The following PVT1 variants were observed in gnomAD, a reference collection of about 807,000 sequenced individuals.
PVT1 encodes Pvt1 oncogene.
intron 3 of PVT1, among the ~76,000 whole-genome samples, chr8:127,894,542 C>T (rs7017386): frequency 0.74 from 111,997 of 151,688 alleles, 42,097 homozygotes; most frequent in African/African-American, 0.88. Flanking sequence ...CCAGTGTTTT[C>T]CAAAGCGTGC....
chr8:127,870,760 T>C (rs1306290460), intron 2 of PVT1, among the ~76,000 whole-genome samples: 1 of 152,228 alleles, frequency 6.6e-6, no homozygotes, highest in African/African-American at 2.4e-5. Context: ...TTAACATTTC[T>C]GGGCCTCAGT....
At chr8:128,022,511 G>T (rs746019581) in intron 4 of PVT1, among the ~76,000 whole-genome samples, 1 of 152,212 alleles carries the variant, frequency 6.6e-6, no homozygotes, top group Non-Finnish European at 1.5e-5. Context: ...CGCTCACAAA[G>T]GCCTTGCACA....
chr8:128,011,605 C>T (rs935429835), intron 4 of PVT1, among the ~76,000 whole-genome samples: 18 of 152,138 alleles, frequency 1.2e-4, no homozygotes, highest in Non-Finnish European at 2.6e-4. Flanking sequence ...ATTATTTAAG[C>T]CACCCAGTCT....
chr8:127,921,710 A>C (rs936088691), intron 3 of PVT1, among the ~76,000 whole-genome samples: 5 of 151,920 alleles, frequency 3.3e-5, no homozygotes, highest in Non-Finnish European at 1.5e-5. Context: ...TCTACTTGGG[A>C]GGCTGTGCAT....
chr8:127,827,837 C>T (rs1814808016), intron 2 of PVT1, among the ~76,000 whole-genome samples: 1 of 152,104 alleles, frequency 6.6e-6, no homozygotes, highest in Non-Finnish European at 1.5e-5. Context: ...CTCCTCTGTC[C>T]TGAAAGCCTT....
chr8:128,019,669 G>A (rs184885550), intron 4 of PVT1, among the ~76,000 whole-genome samples: 1 of 152,238 alleles, frequency 6.6e-6, no homozygotes, highest in African/African-American at 2.4e-5. Flanking sequence ...ACGGTATCAC[G>A]GATGTCTTCC....
intron 6 of PVT1, among the ~76,000 whole-genome samples, chr8:128,097,818 G>A (rs1814447960): frequency 6.6e-6 from 1 of 152,182 alleles, no homozygotes; most frequent in African/African-American, 2.4e-5. Flanking sequence ...GCGTAGGGAT[G>A]AGCTTCAGAC....
chr8:128,057,507 G>C (rs1813776662), intron 4 of PVT1, among the ~76,000 whole-genome samples: 1 of 152,130 alleles, frequency 6.6e-6, no homozygotes, highest in Non-Finnish European at 1.5e-5. Flanking sequence ...AATTTCAAAT[G>C]TACAGATTGT....
intron 2 of PVT1, among the ~76,000 whole-genome samples, chr8:127,825,010 C>T (rs1457404293): frequency 2.0e-5 from 3 of 150,552 alleles, no homozygotes; most frequent in African/African-American, 7.3e-5. Flanking sequence ...ATCCCAGCTA[C>T]TCGGAAGGCT....
At chr8:127,798,874 A>G (rs1814430157) in intron 2 of PVT1, among the ~76,000 whole-genome samples, 1 of 152,080 alleles carries the variant, frequency 6.6e-6, no homozygotes, top group Admixed American at 6.6e-5. Flanking sequence ...ACTTTGTCTC[A>G]AAAAACAAAC....
intron 4 of PVT1, among the ~76,000 whole-genome samples, chr8:128,026,518 G>A (rs4443625): frequency 0.14 from 21,908 of 151,924 alleles, 3,548 homozygotes; most frequent in African/African-American, 0.41. Flanking sequence ...CAAGCCCCAC[G>A]TCGAGCAGTG....
At chr8:127,954,934 G>T (rs1170367978) in intron 3 of PVT1, among the ~76,000 whole-genome samples, 3 of 152,170 alleles carry the variant, frequency 2.0e-5, no homozygotes, top group East Asian at 1.9e-4. Flanking sequence ...CATTTAGGAT[G>T]AATTATGTTT....
intron 3 of PVT1, among the ~76,000 whole-genome samples, chr8:127,979,610 T>C (rs549496101): frequency 2.6e-5 from 4 of 152,298 alleles, no homozygotes; most frequent in African/African-American, 9.6e-5. Context: ...AGTGGAGCTG[T>C]AACAATGTCC....
Position 127,984,827 on chromosome 8 carries a change from C to CTTTCTTTTCT in PVT1, n.783-4327_783-4318dup, listed in dbSNP as rs879548318. Among the ~76,000 whole-genome samples the CTTTCTTTTCT allele has an allele frequency of 7.1e-5, 9 of 126,372 alleles. 1 individual carries two copies. The highest frequency in any genetic ancestry group is 2.1e-4 in the African/African-American group (8 of 37,970). 82.9% of individuals were successfully genotyped at this position (126,372 alleles called of 152,430 possible). On this transcript the variant is annotated intron_variant and non_coding_transcript_variant, in intron 3 of 10. Transcript: ENST00000651587. ...CTCGCCATGTTGGCCAGGCTGGTTT[C>CTTTCTTTTCT]TTTCTTTTCTTTTCTTTCTTTCTTT...
chr8:127,900,513 G>A (rs1815745907), intron 3 of PVT1, among the ~76,000 whole-genome samples: 1 of 152,154 alleles, frequency 6.6e-6, no homozygotes, highest in Non-Finnish European at 1.5e-5. Flanking sequence ...ATCACTGGTA[G>A]CACCATTTTG....
chr8:128,051,493 G>A (rs1813694760), intron 4 of PVT1, among the ~76,000 whole-genome samples: 1 of 152,066 alleles, frequency 6.6e-6, no homozygotes, highest in Non-Finnish European at 1.5e-5. Flanking sequence ...TCCAGATTTG[G>A]AGAGTTCTAT....
At chr8:127,952,995 C>A (rs7007212) in intron 3 of PVT1, among the ~76,000 whole-genome samples, 105,229 of 151,712 alleles carry the variant, frequency 0.69, 38,186 homozygotes, top group Middle Eastern at 0.84. Context: ...CGATCTCCTG[C>A]CCTCGTGATC....
intron 2 of PVT1, among the ~76,000 whole-genome samples, chr8:127,857,686 A>G (rs1290774900): frequency 6.6e-6 from 1 of 152,186 alleles, no homozygotes; most frequent in Admixed American, 6.5e-5. Context: ...TCAAAAAACA[A>G]AACAAAACAA....
intron 2 of PVT1, among the ~76,000 whole-genome samples, chr8:127,873,645 TA>T (rs1815375678): frequency 6.6e-6 from 1 of 152,096 alleles, no homozygotes; most frequent in African/African-American, 2.4e-5. Context: ...AGGTGAAACT[TA>T]GGAATGTTAA....
Sources: allele counts gnomAD v4.1 joint callset (sites outside exome capture counted in the v4.1 genomes callset), GRCh38; gene constraint gnomAD v4.1.1; transcripts MANE v1.5; gene names NCBI Gene and HGNC (gene_info 2026-07-23, HGNC 2026-07-21).